VSIR: variants seen among roughly 807,000 people sequenced by gnomAD.
The protein encoded by VSIR is V-set immunoregulatory receptor.
A neutral mutation model predicts 31.0 loss-of-function variants in VSIR; 10 were observed. The observed-to-expected ratio is 0.32, with a 90% CI of 0.20 to 0.55. VSIR has a LOEUF of 0.55. VSIR is among the 20% of genes least tolerant of loss of function. The probability of loss-of-function intolerance (pLI) is 0.93; values close to 1 mark genes in which losing one functional copy is unlikely to be tolerated. For missense variants in VSIR, 356 were observed against 416.2 expected (o/e 0.86, Z 1.26); for synonymous variants, 179 against 180.1 (o/e 0.99, Z 0.05).
At chr10:71,762,121 C>T in intron 1 of VSIR, 95 bp from the exon 2 acceptor site, 1 of 1,377,086 alleles carries the variant, frequency 7.3e-7, no homozygotes, top group East Asian at 2.5e-5. Context: ...TGCTACTTCC[C>T]AGCCACAGGC....
rs185013085 is a variant in VSIR, at chr10:71,754,097, G to A, written c.677-1095C>T. On this transcript the variant is annotated intron_variant, in intron 4 of 6. Transcript: ENST00000394957. The stretch of plus-strand genomic sequence containing the variant: ...CCTGAGAGTGCCTCATTCCTGAGCA[G>A]GCTCTCTGGGCCAGCCTTCCACCAG... Among the ~76,000 whole-genome samples the A allele has an allele frequency of 4.6e-5, 7 of 152,324 alleles. No homozygotes were observed. In the East Asian group the frequency reaches 1.4e-3, roughly 29 times the overall value.
In VSIR at chr10:71,750,950, C is replaced by A; in HGVS notation, c.*303G>T. On this transcript the variant is annotated 3_prime_UTR_variant, in exon 7 of 7. Transcript: ENST00000394957. Reference sequence around the variant, plus strand: ...TCTCAGAACGAGAGCTGCTGAAGGGCTGGACGTTCTGAGACTTCTTAAGAT... The same window carrying A: ...TCTCAGAACGAGAGCTGCTGAAGGGATGGACGTTCTGAGACTTCTTAAGAT... 2 of 348,942 alleles carry A rather than the reference C, an allele frequency of 5.7e-6. No homozygotes were observed. The highest frequency in any genetic ancestry group is 1.0e-5 in the Non-Finnish European group (2 of 191,372). 21.6% of individuals were successfully genotyped at this position (348,942 alleles called of 1,614,324 possible). A position where few individuals can be genotyped will look rare whatever the true frequency, so the allele number is the denominator to read the frequency against.
intron 3 of VSIR, among the ~76,000 whole-genome samples, chr10:71,759,816 A>AAT (rs201264532): frequency 6.4e-5 from 2 of 31,154 alleles, no homozygotes; most frequent in Admixed American, 2.7e-4. Flanking sequence ...TGTTTCAGAA[A>AAT]ATATACACAC....
chr10:71,761,495 C>T (rs1840383264), intron 2 of VSIR, 103 bp downstream of exon 2: 1 of 1,332,104 alleles, frequency 7.5e-7, no homozygotes, highest in Non-Finnish European at 1.0e-6. Context: ...CAGTGTTACC[C>T]ATGCAGCCTC....
At chr10:71,762,266 G>C (rs1226142489) in intron 1 of VSIR, among the ~76,000 whole-genome samples, 1 of 152,256 alleles carries the variant, frequency 6.6e-6, no homozygotes, top group Non-Finnish European at 1.5e-5. Flanking sequence ...GGACAGGGCA[G>C]GGAGAGACTT....
intron 1 of VSIR, among the ~76,000 whole-genome samples, 181 bp from the exon 2 acceptor site, chr10:71,762,207 G>C (rs902842794): frequency 6.6e-6 from 1 of 152,248 alleles, no homozygotes; most frequent in Non-Finnish European, 1.5e-5. Context: ...CTAGGCTGTT[G>C]TAGGGGGAGT....
intron 4 of VSIR, chr10:71,755,078 C>T (rs1354013421): frequency 1.7e-6 from 1 of 584,762 alleles, no homozygotes; most frequent in East Asian, 3.8e-5. Context: ...GCAACTTGAG[C>T]TACTGCATAT....
chr10:71,752,981 A>G lies in VSIR; in HGVS notation c.698T>C (p.Met233Thr). ...SNRRAQELVR[M>T]DSNIQGIENP... ...AGGTCTCCATGGGCCTTACCTGTCC[A>G]TCCGCACCAGCTCCTGGGCACCTAG... Residue 233 changes from methionine to threonine, a missense_variant, in exon 5 of 7, where the codon ATG (methionine) becomes ACG (threonine). Physicochemically the swap from Met to Thr is moderately conservative, Grantham distance 81. Around this residue, in one of 2 missense-constraint regions of VSIR, gnomAD observed 190 missense variants for 185.2 expected, o/e 1.03. Transcript: ENST00000394957. 2 of 1,613,164 alleles carry G rather than the reference A, an allele frequency of 1.2e-6. No homozygotes were observed. Among genetic ancestry groups the G allele is most frequent in the Non-Finnish European group, 1.7e-6 (2 of 1,179,530 alleles).
chr10:71,768,373 G>A (rs1342772466), intron 1 of VSIR, among the ~76,000 whole-genome samples: 7 of 152,104 alleles, frequency 4.6e-5, no homozygotes, highest in Admixed American at 3.3e-4. Flanking sequence ...GTTTCACCAC[G>A]TTGGCCAGGC....
Position 71,773,420 on chromosome 10 carries a change from A to G in VSIR, c.20T>C (p.Leu7Pro), listed in dbSNP as rs3747862. The change falls in exon 1 of 7, where the codon CTG becomes CCG. Residue 7 changes from leucine to proline, a missense_variant. Physicochemically the swap from Leu to Pro is moderately conservative, Grantham distance 98. Coordinates refer to ENST00000394957, the MANE Select transcript of VSIR (RefSeq NM_022153.2). MGVPTA[L>P]EAGSWRWGSL... The stretch of plus-strand genomic sequence containing the variant: ...TCCCCAGCGCCAGCTGCCGGCCTCC[A>G]GGGCCGTGGGGACGCCCATGTCGCC... 665,271 of 1,603,072 alleles carry G rather than the reference A, an allele frequency of 0.41. 141,814 individuals are homozygous for G. The highest frequency in any genetic ancestry group is 0.49 in the South Asian group (44,388 of 89,682).
intron 3 of VSIR, 68 bp from the exon 4 acceptor site, chr10:71,755,534 G>A: frequency 7.0e-7 from 1 of 1,437,360 alleles, no homozygotes; most frequent in African/African-American, 1.4e-5. Context: ...ATAAACTGAG[G>A]CTCAGAGAGG....
chr10:71,759,072 T>C, intron 3 of VSIR, among the ~76,000 whole-genome samples: 1 of 150,588 alleles, frequency 6.6e-6, no homozygotes, highest in East Asian at 2.0e-4. Context: ...GGAGTCTTGC[T>C]CTATCAGCAG....
Position 71,761,855 on chromosome 10 carries a change from T to C in VSIR, c.254A>G (p.Glu85Gly), listed in dbSNP as rs1049821483. Residue 85 changes from glutamate to glycine, a missense_variant, in exon 2 of 7, where the codon GAG becomes GGG. By Grantham distance (98) the Glu-to-Gly change is moderately conservative. Around this residue, in one of 2 missense-constraint regions of VSIR, gnomAD observed 166 missense variants for 231.0 expected, o/e 0.72. Transcript: ENST00000394957. ...SSRGEVQTCSERRPIRNLTFQ... is the reference protein window; with the variant it reads ...SSRGEVQTCSGRRPIRNLTFQ... ...CGTGAGGTTGCGGATGGGCCGGCGC[T>C]CTGAGCAGGTCTGCACCTCGCCCCT... is the stretch of plus-strand genomic sequence containing the variant. 2.5e-6 allele frequency: 4 copies of C among 1,614,060 alleles called. No individual in the cohort carries two copies. In the African/African-American group the frequency reaches 4.0e-5, roughly 16 times the overall value.
rs1474736099 is a variant in VSIR at position 71,755,397 on chromosome 10, AG to A, written c.637del (p.Leu213SerfsTer124). Reference protein sequence around the residue: ...VGILCLPLILLLVYKQRQAAS... With the variant: ...VGILCLPLILXLVYKQRQAAS... ...TGCCTGCCTTTGCTTGTAGACCAGG[AG>A]CAGGATGAGGGGGAGGCAGAGGATT... On this transcript the variant is annotated frameshift_variant, in exon 4 of 7. Coordinates refer to ENST00000394957, the MANE Select transcript of VSIR (RefSeq NM_022153.2). LOFTEE classifies it high-confidence loss of function. 1 of 1,613,264 alleles carries A rather than the reference AG, an allele frequency of 6.2e-7. No homozygotes were observed. Among genetic ancestry groups the A allele is most frequent in the African/African-American group, 1.3e-5 (1 of 74,862 alleles).
Position 71,759,962 on chromosome 10 carries a change from CAT to C in VSIR, c.568+904_568+905del, listed in dbSNP as rs1326910459. 1.8e-4 allele frequency among the ~76,000 whole-genome samples: 21 copies of C among 116,552 alleles called. No individual in the cohort carries two copies. In the South Asian group the frequency reaches 3.2e-3, roughly 18 times the overall value. 76.5% of individuals were successfully genotyped at this position (116,552 alleles called of 152,430 possible). A position where few individuals can be genotyped will look rare whatever the true frequency, so the allele number is the denominator to read the frequency against. On this transcript the variant is annotated intron_variant, in intron 3 of 6. Coordinates refer to ENST00000394957, the MANE Select transcript of VSIR (RefSeq NM_022153.2). ...ACACACACACATATATATACACACACATATATATACACACACACATATATATA... is the reference window on the plus strand; with the variant it reads ...ACACACACACATATATATACACACACATATATACACACACACATATATATA...
At chr10:71,769,201 A>G (rs985488633) in intron 1 of VSIR, among the ~76,000 whole-genome samples, 17 of 152,256 alleles carry the variant, frequency 1.1e-4, no homozygotes, top group Non-Finnish European at 2.2e-4. Flanking sequence ...AGAAAGTCTC[A>G]GTTTGATGCT....
At position 71,760,924 on chromosome 10, in the gene VSIR, C is replaced by T; in HGVS notation, c.512G>A (p.Gly171Asp). The T allele has an allele frequency of 6.2e-7, 1 of 1,613,792 alleles. No individual in the cohort carries two copies. ...CACACAGTTGGATGGTGCATCTTTG[C>T]CTGTGGGAACAAACAGAAGGGCCAT... The part of the protein sequence containing the change: ...HGAMELQVQT[G>D]KDAPSNCVVY... The change falls in exon 3 of 7, where the codon GGC (glycine) becomes GAC (aspartate). Residue 171 changes from glycine to aspartate, a missense_variant and splice_region_variant. Transcript: ENST00000394957.
chr10:71,751,734 G>A lies in VSIR; in HGVS notation c.832C>T (p.Leu278=). The change falls in exon 6 of 7, where the codon CTG becomes TTG. Residue 278 remains leucine (L), a synonymous_variant. Transcript: ENST00000394957. This position sits in a 1 kb window ranked among gnomAD's most constrained non-coding sequence, Gnocchi z 4.9. Reference sequence around the variant, plus strand: ...AGGGGGGTGCTGGGCTCCGAAAGCAGATGCCGCCCAGACTCAGAAGGCTGC... The same window carrying A: ...AGGGGGGTGCTGGGCTCCGAAAGCAAATGCCGCCCAGACTCAGAAGGCTGC... ...QRQPSESGRH[L]LSEPSTPLSP... The A allele has an allele frequency of 6.3e-7, 1 of 1,591,454 alleles. No homozygotes were observed. Among genetic ancestry groups the A allele is most frequent in the Non-Finnish European group, 8.5e-7 (1 of 1,169,824 alleles).
rs761012326 is a variant in VSIR, at chr10:71,751,900, C to T, written c.705-39G>A. ...AGAATGGAAGGTCATCTGTGCTGTC[C>T]GGAGCGTGAACTCTGCCCTCCCTGC... On this transcript the variant is annotated intron_variant, in intron 5 of 6. Coordinates refer to ENST00000394957, the MANE Select transcript of VSIR (RefSeq NM_022153.2). The surrounding 1 kb of genome is among the most constrained non-coding windows in gnomAD (Gnocchi z 4.9). The T allele has an allele frequency of 2.2e-5, 34 of 1,540,120 alleles. No homozygotes were observed. Among genetic ancestry groups the T allele is most frequent in the Middle Eastern group, 1.8e-4 (1 of 5,518 alleles).
Sources: allele counts gnomAD v4.1 joint callset (sites outside exome capture counted in the v4.1 genomes callset), GRCh38; gene constraint gnomAD v4.1.1; regional missense constraint gnomAD v4.1.1; non-coding constraint Gnocchi (gnomAD v3.1); transcripts MANE v1.5; gene names NCBI Gene and HGNC (gene_info 2026-07-23, HGNC 2026-07-21).